TMEM87A: variants seen among roughly 807,000 people sequenced by gnomAD.
TMEM87A encodes Golgi-pH regulating cation channel.
Under a neutral mutation model 90.0 loss-of-function variants are expected in TMEM87A, and 50 were observed. The observed-to-expected ratio is 0.56, with a 90% CI of 0.44 to 0.70. The LOEUF (loss-of-function observed/expected upper bound fraction) is 0.70, where lower values mean the gene tolerates loss of function less well. Ranked by LOEUF, TMEM87A falls within the 30% of genes least tolerant of loss-of-function variation. The pLI is 0.00. For synonymous variants in TMEM87A, 226 were observed against 226.7 expected, an observed-to-expected ratio of 1.00 and a Z score of 0.03; for missense variants, 577 against 660.5, an observed-to-expected ratio of 0.87 and a Z score of 1.39.
At chr15:42,265,749 C>T (rs920148655) in intron 3 of TMEM87A, among the ~76,000 whole-genome samples, 4 of 151,964 alleles carry the variant, frequency 2.6e-5, no homozygotes, top group Non-Finnish European at 4.4e-5. Flanking sequence ...TTGCTTTTGG[C>T]GCAATTGCTT....
intron 4 of TMEM87A, among the ~76,000 whole-genome samples, chr15:42,262,605 C>T (rs1285794039): frequency 1.3e-5 from 2 of 151,928 alleles, no homozygotes; most frequent in Non-Finnish European, 2.9e-5. Context: ...TTTGTAGAGA[C>T]AGGGTTTCAC....
chr15:42,224,620 G>A (rs999290411), intron 15 of TMEM87A: 1 of 152,152 alleles, frequency 6.6e-6, no homozygotes, highest in Non-Finnish European at 1.5e-5. Context: ...ACATCAGGAT[G>A]GTCTTGAGGA....
At chr15:42,273,525 G>C, upstream of TMEM87A, 1 of 1,447,696 alleles carries the variant, frequency 6.9e-7, no homozygotes, top group Non-Finnish European at 9.2e-7. Flanking sequence ...TGTTTGCTGT[G>C]CGGCGTAGCG....
chr15:42,228,847 T>A (rs1251297293), intron 12 of TMEM87A, 27 bp from the exon 13 acceptor site: 1 of 1,514,932 alleles, frequency 6.6e-7, no homozygotes, highest in Admixed American at 2.1e-5. Flanking sequence ...GAATTCAACA[T>A]TCAGGAAAAA....
At chr15:42,230,297 A>G (rs950282196) in intron 12 of TMEM87A, among the ~76,000 whole-genome samples, 6 of 152,216 alleles carry the variant, frequency 3.9e-5, no homozygotes, top group Non-Finnish European at 8.8e-5. Flanking sequence ...GAAAGATACT[A>G]ATCTAGAAAA....
chr15:42,250,965 T>A (rs1483893843), intron 6 of TMEM87A, among the ~76,000 whole-genome samples: 2 of 152,206 alleles, frequency 1.3e-5, no homozygotes, highest in Admixed American at 1.3e-4. Flanking sequence ...TCTAAACTTC[T>A]CTTCTCGCTT....
At chr15:42,225,750 T>G (rs1036887660) in intron 15 of TMEM87A, among the ~76,000 whole-genome samples, 3 of 152,182 alleles carry the variant, frequency 2.0e-5, no homozygotes, top group Non-Finnish European at 4.4e-5. Flanking sequence ...CGAAACCATG[T>G]TGGCTCAAAC....
intron 6 of TMEM87A, among the ~76,000 whole-genome samples, chr15:42,248,905 A>C (rs2140960045): frequency 6.6e-6 from 1 of 152,322 alleles, no homozygotes; most frequent in East Asian, 1.9e-4. Flanking sequence ...CTGTGAATCC[A>C]ACTGGTCCTG....
chr15:42,245,848 A>G (rs2050962965), intron 6 of TMEM87A, among the ~76,000 whole-genome samples: 3 of 152,164 alleles, frequency 2.0e-5, no homozygotes, highest in Non-Finnish European at 2.9e-5. Context: ...CTACATTTTT[A>G]CATCCTCACA....
chr15:42,227,910 T>C, intron 13 of TMEM87A, 141 bp from the exon 14 acceptor site: 6 of 702,332 alleles, frequency 8.5e-6, no homozygotes, highest in Non-Finnish European at 1.5e-5. Flanking sequence ...TTTTAACAAA[T>C]GTATTCAATA....
intron 2 of TMEM87A, among the ~76,000 whole-genome samples, chr15:42,269,095 A>G (rs1050562158): frequency 1.7e-4 from 26 of 152,222 alleles, no homozygotes; most frequent in African/African-American, 5.8e-4. Context: ...CATTAAACAC[A>G]GTTTGGAACA....
intron 19 of TMEM87A, among the ~76,000 whole-genome samples, chr15:42,217,077 C>T (rs1204545683): frequency 6.6e-6 from 1 of 151,968 alleles, no homozygotes; most frequent in Non-Finnish European, 1.5e-5. Flanking sequence ...ACTTCACCTC[C>T]CAAGTAGCTG....
At chr15:42,221,265 C>CAGACAG (rs1491577357) in intron 15 of TMEM87A, among the ~76,000 whole-genome samples, 5 of 146,358 alleles carry the variant, frequency 3.4e-5, no homozygotes, top group Non-Finnish European at 7.4e-5. Context: ...AAAGGAGAGA[C>CAGACAG]AGAGACAGAG....
At chr15:42,222,635 T>C (rs1482121497) in intron 15 of TMEM87A, among the ~76,000 whole-genome samples, 4 of 151,912 alleles carry the variant, frequency 2.6e-5, no homozygotes, top group Non-Finnish European at 5.9e-5. Context: ...CTCAGCTCGC[T>C]GCAACCTCCG....
In TMEM87A at chr15:42,222,002, G is replaced by A. The variant is rs140071794; in HGVS notation, c.1404-1867C>T. 2.0e-4 allele frequency among the ~76,000 whole-genome samples: 30 copies of A among 152,246 alleles called. No individual in the cohort carries two copies. In the East Asian group the frequency reaches 3.7e-3, roughly 19 times the overall value. On this transcript the variant is annotated intron_variant, in intron 15 of 19. Transcript: ENST00000389834. ...ACTCCTGGGCTCAAGCAATCCTCCC[G>A]GCCAGACCTCCCAAAGTGCTGGAAT...
chr15:42,253,733 T>G (rs556023894), intron 6 of TMEM87A, among the ~76,000 whole-genome samples: 1 of 152,356 alleles, frequency 6.6e-6, no homozygotes, highest in East Asian at 1.9e-4. Context: ...TCTTTCTTTG[T>G]TGAACTTTTT....
At chr15:42,258,871 T>C in intron 6 of TMEM87A, 1 of 1,518,708 alleles carries the variant, frequency 6.6e-7, no homozygotes, top group Non-Finnish European at 8.8e-7. Context: ...GAAAATCTAC[T>C]CATCCATAAA....
At chr15:42,257,616 G>A (rs1405978101) in intron 6 of TMEM87A, among the ~76,000 whole-genome samples, 2 of 152,140 alleles carry the variant, frequency 1.3e-5, no homozygotes, top group Admixed American at 1.3e-4. Context: ...CCTTTAAACT[G>A]TGCATACATG....
intron 6 of TMEM87A, among the ~76,000 whole-genome samples, chr15:42,246,028 AC>A (rs2050965606): frequency 1.3e-5 from 2 of 152,226 alleles, no homozygotes; most frequent in Middle Eastern, 3.4e-3. Context: ...CGAAATGGAG[AC>A]CCTGTACTCA....
Sources: allele counts gnomAD v4.1 joint callset (sites outside exome capture counted in the v4.1 genomes callset), GRCh38; gene constraint gnomAD v4.1.1; transcripts MANE v1.5; gene names NCBI Gene and HGNC (gene_info 2026-07-23, HGNC 2026-07-21).